SDK1: variants seen among roughly 807,000 people sequenced by gnomAD.
The protein encoded by SDK1 is sidekick cell adhesion molecule 1.
In SDK1, 157 loss-of-function variants were observed where a neutral mutation model predicts 245.5. The observed-to-expected ratio is 0.64, with a 90% CI of 0.56 to 0.73. The LOEUF (loss-of-function observed/expected upper bound fraction) is 0.73. Among genes scored for constraint, SDK1 ranks in the 30% least tolerant of loss-of-function variants. The pLI is 0.00. For missense variants in SDK1, 3,583 were observed against 3,002.3 expected, an observed-to-expected ratio of 1.19 and a Z score of -4.52; for synonymous variants, 1,647 against 1,278.5, an observed-to-expected ratio of 1.29 and a Z score of -6.15.
intron 1 of SDK1, among the ~76,000 whole-genome samples, chr7:3,366,688 T>C (rs1324844817): frequency 1.3e-5 from 2 of 152,184 alleles, no homozygotes; most frequent in African/African-American, 4.8e-5. Context: ...CAACTGTTGG[T>C]TCATGTCTTT....
intron 1 of SDK1, among the ~76,000 whole-genome samples, chr7:3,405,983 T>A (rs1779045209): frequency 6.6e-6 from 1 of 152,092 alleles, no homozygotes; most frequent in African/African-American, 2.4e-5. Context: ...CAGCTAATTT[T>A]TGTATTTTTA....
chr7:3,497,238 T>A (rs1414265537), intron 1 of SDK1, among the ~76,000 whole-genome samples: 1 of 152,204 alleles, frequency 6.6e-6, no homozygotes. Flanking sequence ...ATTTTTTAAA[T>A]TGGTTTGCCC....
At position 4,232,398 on chromosome 7, in the gene SDK1, TTTTCTTTTC is replaced by T. The variant is rs1163906805; in HGVS notation, c.5828-848_5828-840del. Among the ~76,000 whole-genome samples the T allele has an allele frequency of 4.9e-3, 573 of 118,142 alleles. 6 individuals are homozygous for T. The highest frequency in any genetic ancestry group is 0.018 in the African/African-American group (548 of 31,162). 77.5% of individuals were successfully genotyped at this position (118,142 alleles called of 152,430 possible). ...TTTCCTTTTTTCTTTTTTTCTTTTC[TTTTCTTTTC>T]TTTCTTTTTTTTTTTTTTTTGTTAT... On this transcript the variant is annotated intron_variant, in intron 40 of 44. Coordinates refer to ENST00000404826, the MANE Select transcript of SDK1 (RefSeq NM_152744.4).
chr7:3,680,372 G>GGTA lies in SDK1; in HGVS notation c.713+38269_713+38271dup, dbSNP rs1287766732. Reference sequence around the variant, plus strand: ...GGACAGCACAGGGGATCTTTGTCGTGGTAGGACAGTCTGTGTGTTGATTGT... The same window carrying GGTA: ...GGACAGCACAGGGGATCTTTGTCGTGGTAGTAGGACAGTCTGTGTGTTGATTGT... On this transcript the variant is annotated intron_variant, in intron 4 of 44. Transcript: ENST00000404826. Among the ~76,000 whole-genome samples, 5 of 152,246 alleles carry GGTA rather than the reference G, an allele frequency of 3.3e-5. No individual in the cohort carries two copies. The East Asian group carries it at 5.8e-4, about 18-fold the overall frequency.
chr7:3,358,285 G>A (rs1443984112), intron 1 of SDK1, among the ~76,000 whole-genome samples: 12 of 152,174 alleles, frequency 7.9e-5, no homozygotes, highest in Non-Finnish European at 1.3e-4. Context: ...GCCTCCCAAA[G>A]TGCTGGGATT....
intron 14 of SDK1, among the ~76,000 whole-genome samples, chr7:3,998,535 A>G (rs569018346): frequency 4.6e-5 from 7 of 152,336 alleles, no homozygotes; most frequent in South Asian, 2.1e-4. Flanking sequence ...CAGAAGATCA[A>G]TACGCTTCAG....
intron 1 of SDK1, among the ~76,000 whole-genome samples, chr7:3,450,660 G>A (rs1766878324): frequency 6.6e-6 from 1 of 152,110 alleles, no homozygotes; most frequent in Admixed American, 6.5e-5. Context: ...GGTTTTGTGG[G>A]GACAAATGAA....
rs972593783 is a variant in SDK1 at position 3,332,447 on chromosome 7, G to A, written c.298+30563G>A. 2.6e-4 allele frequency among the ~76,000 whole-genome samples: 39 copies of A among 152,116 alleles called. 1 individual carries two copies. Among genetic ancestry groups the A allele is most frequent in the Middle Eastern group, 3.2e-3 (1 of 316 alleles). The stretch of plus-strand genomic sequence containing the variant: ...AGGGATATGGTTCAACAGGATCCAA[G>A]AACTTAAAAATTGCCCTTTTTCACA... On this transcript the variant is annotated intron_variant, in intron 1 of 44. Transcript: ENST00000404826.
chr7:3,627,908 T>G (rs904482353), intron 2 of SDK1, among the ~76,000 whole-genome samples: 15 of 152,178 alleles, frequency 9.9e-5, no homozygotes, highest in African/African-American at 3.6e-4. Flanking sequence ...CAGTCCTGTT[T>G]CTCCCAGGCC....
At chr7:4,033,867 C>G (rs1278252048) in intron 17 of SDK1, among the ~76,000 whole-genome samples, 1 of 152,142 alleles carries the variant, frequency 6.6e-6, no homozygotes, top group African/African-American at 2.4e-5. Context: ...CTAATTAATT[C>G]AATCCAAACA....
intron 1 of SDK1, among the ~76,000 whole-genome samples, chr7:3,488,919 G>A (rs1427225612): frequency 1.3e-5 from 2 of 151,944 alleles, no homozygotes; most frequent in Non-Finnish European, 2.9e-5. Flanking sequence ...GTGTGTGTGT[G>A]TGTGTGTGTG....
chr7:3,325,628 T>G (rs1045889310), intron 1 of SDK1, among the ~76,000 whole-genome samples: 6 of 152,068 alleles, frequency 3.9e-5, no homozygotes, highest in African/African-American at 1.4e-4. Context: ...CATAAAAGAT[T>G]AAAGGGTGTA....
intron 19 of SDK1, among the ~76,000 whole-genome samples, chr7:4,064,653 A>C (rs1005539872): frequency 6.6e-6 from 1 of 152,234 alleles, no homozygotes; most frequent in African/African-American, 2.4e-5. Flanking sequence ...AAGATACGGA[A>C]TCAACCCAAG....
At chr7:3,653,399 A>G (rs555440286) in intron 4 of SDK1, among the ~76,000 whole-genome samples, 1 of 152,222 alleles carries the variant, frequency 6.6e-6, no homozygotes, top group East Asian at 1.9e-4. Flanking sequence ...TGGGATTGAC[A>G]AGGTTTAGGG....
intron 1 of SDK1, among the ~76,000 whole-genome samples, chr7:3,595,456 G>A (rs1781023350): frequency 2.0e-5 from 3 of 151,916 alleles, no homozygotes; most frequent in African/African-American, 4.8e-5. Context: ...AGGCATATTT[G>A]TATGTATATT....
chr7:3,330,523 A>G (rs950655207), intron 1 of SDK1, among the ~76,000 whole-genome samples: 1 of 152,014 alleles, frequency 6.6e-6, no homozygotes, highest in Non-Finnish European at 1.5e-5. Context: ...AGAGAAAGAG[A>G]TTTGCACTGA....
chr7:4,157,950 G>A (rs1011013710), intron 30 of SDK1, among the ~76,000 whole-genome samples: 4 of 152,154 alleles, frequency 2.6e-5, no homozygotes, highest in Non-Finnish European at 4.4e-5. Context: ...AGGACGGAGC[G>A]TGAGAATCAG....
At chr7:4,226,279 C>A (rs889615711) in intron 40 of SDK1, among the ~76,000 whole-genome samples, 1 of 152,210 alleles carries the variant, frequency 6.6e-6, no homozygotes, top group Non-Finnish European at 1.5e-5. Context: ...GACGGGCACT[C>A]GGTGCCAGGC....
At chr7:3,341,133 C>T (rs1325791713) in intron 1 of SDK1, among the ~76,000 whole-genome samples, 1 of 152,040 alleles carries the variant, frequency 6.6e-6, no homozygotes, top group South Asian at 2.1e-4. Flanking sequence ...AAAATATTAG[C>T]AAATCAAATA....
Sources: allele counts gnomAD v4.1 joint callset (sites outside exome capture counted in the v4.1 genomes callset), GRCh38; gene constraint gnomAD v4.1.1; transcripts MANE v1.5; gene names NCBI Gene and HGNC (gene_info 2026-07-23, HGNC 2026-07-21).